The following RFPL3 variants were observed in gnomAD, a reference collection of about 807,000 sequenced individuals.
RFPL3 encodes ret finger protein-like 3.
Under a neutral mutation model 8.7 loss-of-function variants are expected in RFPL3, and 8 were observed. That is an observed-to-expected ratio of 0.92 (90% CI 0.54 to 1.66). The LOEUF is 1.66. Ranked by LOEUF, RFPL3 falls within the 40% of genes most tolerant of loss-of-function variation. The pLI is 0.00. For synonymous variants in RFPL3, 145 were observed against 150.5 expected (o/e 0.96, Z 0.27); for missense variants, 341 against 395.0 (o/e 0.86, Z 1.16).
rs1197117863 is a variant in RFPL3 at position 32,360,600 on chromosome 22, A to C, written c.722A>C (p.Lys241Thr). Residue 241 changes from lysine to threonine, a missense_variant, in exon 2 of 2, where the codon AAG (lysine) becomes ACG (threonine). Lys to Thr is a moderately conservative substitution (Grantham distance 78, BLOSUM62 -1). Transcript: ENST00000249007. Reference sequence around the variant, plus strand: ...CTGACTTTCCTCTTAGTAGACCGCAAGTTACAGCGAGTGGGGATTTTTCTG... The same window carrying C: ...CTGACTTTCCTCTTAGTAGACCGCACGTTACAGCGAGTGGGGATTTTTCTG... ...VPLTFLLVDR[K>T]LQRVGIFLDM... is the part of the protein sequence containing the mutation. 1 of 1,613,458 alleles carries C rather than the reference A, an allele frequency of 6.2e-7. No individual in the cohort carries two copies. The highest frequency in any genetic ancestry group is 1.1e-5 in the South Asian group (1 of 91,062).
intron 1 of RFPL3, 198 bp from the exon 2 acceptor site, chr22:32,360,048 CTGTGAA>C: frequency 1.6e-6 from 1 of 623,600 alleles, no homozygotes; most frequent in Non-Finnish European, 2.7e-6. Flanking sequence ...AGAATTGCTA[CTGTGAA>C]TAAGAGTCAC....
Position 32,358,433 on chromosome 22 carries a change from G to C in RFPL3, c.362G>C (p.Arg121Pro). The C allele has an allele frequency of 6.2e-7, 1 of 1,613,200 alleles. No homozygotes were observed. Among genetic ancestry groups the C allele is most frequent in the Non-Finnish European group, 8.5e-7 (1 of 1,179,568 alleles). Residue 121 changes from arginine (R) to proline (P), a missense_variant, in exon 1 of 2, where the codon CGG (arginine) becomes CCG (proline). Coordinates refer to ENST00000249007, the MANE Select transcript of RFPL3 (RefSeq NM_001098535.1). ...ATTCTACAGATGAACCCAAGGATGC[G>C]GAAGTTCCAAGGTAAGGAATCTGTA... ...KKILQMNPRMRKFQVDMTLDA... is the reference protein window; with the variant it reads ...KKILQMNPRMPKFQVDMTLDA...
intron 1 of RFPL3, among the ~76,000 whole-genome samples, chr22:32,359,141 C>T (rs1488408956): frequency 2.0e-5 from 3 of 152,122 alleles, no homozygotes; most frequent in East Asian, 1.9e-4. Context: ...CTATAATGTC[C>T]CTGACACTGG....
At chr22:32,359,882 CAT>C in intron 1 of RFPL3, 1 of 224,222 alleles carries the variant, frequency 4.5e-6, no homozygotes, top group South Asian at 9.8e-5. Context: ...GAAGCAGAAA[CAT>C]ATTTAATATT....
chr22:32,357,420 T>G (rs1222979743), upstream of RFPL3, among the ~76,000 whole-genome samples: 4 of 152,046 alleles, frequency 2.6e-5, no homozygotes, highest in African/African-American at 9.7e-5. Flanking sequence ...TCTTCCTGCC[T>G]TGGCCTCGCA....
Position 32,358,218 on chromosome 22 carries a change from A to G in RFPL3, c.147A>G (p.Lys49=), listed in dbSNP as rs1388753281. The change falls in exon 1 of 2, where the codon AAA becomes AAG. Residue 49 remains lysine, a synonymous_variant. Coordinates refer to ENST00000249007, the MANE Select transcript of RFPL3 (RefSeq NM_001098535.1). ...SCPVCSDYLE[K]PMSLECGCTV... is the part of the protein sequence containing the mutation. The stretch of plus-strand genomic sequence containing the variant: ...CCGTCTGCTCAGACTATCTGGAAAA[A>G]CCAATGTCCCTGGAGTGTGGATGCA... 1 of 1,613,882 alleles carries G rather than the reference A, an allele frequency of 6.2e-7. No individual in the cohort carries two copies. Among genetic ancestry groups the G allele is most frequent in the Non-Finnish European group, 8.5e-7 (1 of 1,179,884 alleles).
chr22:32,355,536 G>A (rs1932635659), upstream of RFPL3, among the ~76,000 whole-genome samples: 1 of 152,078 alleles, frequency 6.6e-6, no homozygotes, highest in South Asian at 2.1e-4. Context: ...TCTGTGCCAA[G>A]TACCTGACAG....
chr22:32,360,154 G>T, intron 1 of RFPL3, 98 bp from the exon 2 acceptor site: 1 of 1,444,642 alleles, frequency 6.9e-7, no homozygotes, highest in East Asian at 2.3e-5. Context: ...CAGAATTAAA[G>T]AAACTAAAGT....
At position 32,360,265 on chromosome 22, in the gene RFPL3, G is replaced by C. The variant is rs1932765233; in HGVS notation, c.387G>C (p.Leu129Phe). Reference sequence around the variant, plus strand: ...TCCTTTTCACAGTGGATATGACCTTGGATGCCGACACAGCCAACAACTTCC... The same window carrying C: ...TCCTTTTCACAGTGGATATGACCTTCGATGCCGACACAGCCAACAACTTCC... Reference protein sequence around the residue: ...RMRKFQVDMTLDADTANNFLL... With the variant: ...RMRKFQVDMTFDADTANNFLL... The change falls in exon 2 of 2, where the codon TTG becomes TTC. Residue 129 changes from leucine (L) to phenylalanine (F), a missense_variant. Leu to Phe is a conservative substitution (Grantham distance 22, BLOSUM62 0). Transcript: ENST00000249007. 1 of 1,613,062 alleles carries C rather than the reference G, an allele frequency of 6.2e-7. No homozygotes were observed. The highest frequency in any genetic ancestry group is 1.7e-5 in the Admixed American group (1 of 59,976).
upstream of RFPL3, chr22:32,355,017 CAGT>C (rs1932616082): frequency 6.6e-6 from 1 of 152,094 alleles, no homozygotes; most frequent in Non-Finnish European, 1.5e-5. Context: ...TCCTCTAAGC[CAGT>C]ACTAACCAGC....
rs781119291 is a variant in RFPL3, at chr22:32,358,075, A to G, written c.4A>G (p.Lys2Glu). 8 of 1,612,264 alleles carry G rather than the reference A, an allele frequency of 5.0e-6. No homozygotes were observed. The highest frequency in any genetic ancestry group is 8.5e-7 in the Non-Finnish European group (1 of 1,178,888). ...CTGGAACACAATACCTCTATGCATG[A>G]AAAGGTTGTCACTTGTCACAACTAA... MKRLSLVTTNRL... is the reference protein window; with the variant it reads MERLSLVTTNRL... The change falls in exon 1 of 2, where the codon AAA becomes GAA. Residue 2 changes from lysine to glutamate, a missense_variant. Transcript: ENST00000249007.
chr22:32,358,432 C>T lies in RFPL3; in HGVS notation c.361C>T (p.Arg121Trp), dbSNP rs139344772. Residue 121 changes from arginine to tryptophan, a missense_variant, in exon 1 of 2, where the codon CGG becomes TGG. By Grantham distance (101) the Arg-to-Trp change is moderately radical. Transcript: ENST00000249007. ...KKILQMNPRMRKFQVDMTLDA... is the reference protein window; with the variant it reads ...KKILQMNPRMWKFQVDMTLDA... ...GATTCTACAGATGAACCCAAGGATG[C>T]GGAAGTTCCAAGGTAAGGAATCTGT... 66 of 1,613,138 alleles carry T rather than the reference C, an allele frequency of 4.1e-5. No individual in the cohort carries two copies. The African/African-American group carries it at 6.9e-4, about 17-fold the overall frequency.
Position 32,360,327 on chromosome 22 carries a change from G to A in RFPL3, c.449G>A (p.Gly150Glu), listed in dbSNP as rs1430239883. 3 of 1,613,920 alleles carry A rather than the reference G, an allele frequency of 1.9e-6. No homozygotes were observed. The highest frequency in any genetic ancestry group is 1.7e-6 in the Non-Finnish European group (2 of 1,179,854). The stretch of plus-strand genomic sequence containing the variant: ...GACGACCTCAGGAGCGTCCGAAGTG[G>A]GCTCATCACACAGAATCGGCAAGAC... ...ISDDLRSVRS[G>E]LITQNRQDLA... Residue 150 changes from glycine to glutamate, a missense_variant, in exon 2 of 2, where the codon GGG (glycine) becomes GAG (glutamate). By Grantham distance (98) the Gly-to-Glu change is moderately conservative. Coordinates refer to ENST00000249007, the MANE Select transcript of RFPL3 (RefSeq NM_001098535.1).
chr22:32,359,932 A>G (rs1932760627), intron 1 of RFPL3: 2 of 350,834 alleles, frequency 5.7e-6, no homozygotes, highest in South Asian at 1.2e-4. Flanking sequence ...TTATTTGTTC[A>G]CACATCAAGG....
chr22:32,355,539 C>T (rs940018673), upstream of RFPL3, among the ~76,000 whole-genome samples: 11 of 152,032 alleles, frequency 7.2e-5, no homozygotes, highest in African/African-American at 2.7e-4. Flanking sequence ...GTGCCAAGTA[C>T]CTGACAGAAT....
chr22:32,360,398 C>T lies in RFPL3; in HGVS notation c.520C>T (p.Arg174Cys), dbSNP rs769519657. ...GTCCGTTTGCATCCTGGGCTCCCCTCGCTTTACCTGTGGCCGCCACTACTG... is the reference window on the plus strand; with the variant it reads ...GTCCGTTTGCATCCTGGGCTCCCCTTGCTTTACCTGTGGCCGCCACTACTG... Reference protein sequence around the residue: ...DVSVCILGSPRFTCGRHYWEV... With the variant: ...DVSVCILGSPCFTCGRHYWEV... The change falls in exon 2 of 2, where the codon CGC (arginine) becomes TGC (cysteine). Residue 174 changes from arginine (R) to cysteine (C), a missense_variant. Physicochemically the swap from Arg to Cys is radical, Grantham distance 180 (BLOSUM62 -3). Coordinates refer to ENST00000249007, the MANE Select transcript of RFPL3 (RefSeq NM_001098535.1). The T allele has an allele frequency of 1.2e-5, 19 of 1,613,828 alleles. No homozygotes were observed. Among genetic ancestry groups the T allele is most frequent in the African/African-American group, 4.0e-5 (3 of 74,890 alleles).
rs1569430674 is a variant in RFPL3, at chr22:32,358,228, C to G, written c.157C>G (p.Leu53Val). Residue 53 changes from leucine (L) to valine (V), a missense_variant, in exon 1 of 2, where the codon CTG becomes GTG. By Grantham distance (32) the Leu-to-Val change is conservative. Coordinates refer to ENST00000249007, the MANE Select transcript of RFPL3 (RefSeq NM_001098535.1). ...AGACTATCTGGAAAAACCAATGTCC[C>G]TGGAGTGTGGATGCACCGTCTGCCT... Reference protein sequence around the residue: ...CSDYLEKPMSLECGCTVCLKC... With the variant: ...CSDYLEKPMSVECGCTVCLKC... 1 of 1,614,000 alleles carries G rather than the reference C, an allele frequency of 6.2e-7. No individual in the cohort carries two copies. Among genetic ancestry groups the G allele is most frequent in the East Asian group, 2.2e-5 (1 of 44,892 alleles).
At chr22:32,355,357 T>C (rs1376632766), upstream of RFPL3, among the ~76,000 whole-genome samples, 3 of 152,144 alleles carry the variant, frequency 2.0e-5, no homozygotes, top group Non-Finnish European at 4.4e-5. Context: ...TCTTCTAGGC[T>C]ATGTTCTCTG....
In RFPL3 at chr22:32,360,305, G is replaced by C; in HGVS notation, c.427G>C (p.Asp143His). The C allele has an allele frequency of 1.2e-6, 2 of 1,613,784 alleles. No individual in the cohort carries two copies. The highest frequency in any genetic ancestry group is 1.1e-5 in the South Asian group (1 of 91,050). Residue 143 changes from aspartate (D) to histidine (H), a missense_variant, in exon 2 of 2, where the codon GAC becomes CAC. Transcript: ENST00000249007. Reference sequence around the variant, plus strand: ...CAACAACTTCCTCCTCATTTCTGACGACCTCAGGAGCGTCCGAAGTGGGCT... The same window carrying C: ...CAACAACTTCCTCCTCATTTCTGACCACCTCAGGAGCGTCCGAAGTGGGCT... The part of the protein sequence containing the change: ...TANNFLLISD[D>H]LRSVRSGLIT...
Sources: allele counts gnomAD v4.1 joint callset (sites outside exome capture counted in the v4.1 genomes callset), GRCh38; gene constraint gnomAD v4.1.1; transcripts MANE v1.5; gene names NCBI Gene and HGNC (gene_info 2026-07-23, HGNC 2026-07-21).